Variants in PLGRKT observed in about 807,000 individuals in gnomAD.
PLGRKT encodes plasminogen receptor (KT).
Under a neutral mutation model 18.5 loss-of-function variants are expected in PLGRKT, and 22 were observed. That is an observed-to-expected ratio of 1.19 (90% CI 0.85 to 1.70). The LOEUF (loss-of-function observed/expected upper bound fraction) is 1.70. PLGRKT is among the 40% of genes most tolerant of loss of function. PLGRKT has a pLI of 0.00. For missense variants in PLGRKT, 235 were observed against 174.4 expected, an observed-to-expected ratio of 1.35 and a Z score of -1.96; for synonymous variants, 72 against 52.8, an observed-to-expected ratio of 1.36 and a Z score of -1.58.
At chr9:5,383,092 A>G (rs901639608) in intron 3 of PLGRKT, among the ~76,000 whole-genome samples, 3 of 152,220 alleles carry the variant, frequency 2.0e-5, no homozygotes, top group Non-Finnish European at 4.4e-5. Context: ...TCCTTATAAA[A>G]GACACACAGA....
chr9:5,425,624 T>A (rs1381005979), intron 3 of PLGRKT, among the ~76,000 whole-genome samples: 1 of 152,170 alleles, frequency 6.6e-6, no homozygotes, highest in Non-Finnish European at 1.5e-5. Flanking sequence ...CCCAGGCCAT[T>A]ACATTGCATT....
rs544878511 is a variant in PLGRKT, at chr9:5,418,770, G to A, written c.81+13127C>T. On this transcript the variant is annotated intron_variant, in intron 3 of 5. Transcript: ENST00000223864. The surrounding 1 kb of genome is among the most constrained non-coding windows in gnomAD (Gnocchi z 4.2). Reference sequence around the variant, plus strand: ...TGACAGCCAGGACCTCGGGGTCGTCGAGGAGCTGCGACACGGAGAAGTCAG... The same window carrying A: ...TGACAGCCAGGACCTCGGGGTCGTCAAGGAGCTGCGACACGGAGAAGTCAG... The A allele has an allele frequency of 8.8e-5, 65 of 740,070 alleles. No individual in the cohort carries two copies. The East Asian group carries it at 1.4e-3, about 16-fold the overall frequency. The allele number at this position is 740,070 out of a possible 1,614,324, so 45.8% of individuals were successfully genotyped here.
At chr9:5,426,067 A>G (rs1182063356) in intron 3 of PLGRKT, among the ~76,000 whole-genome samples, 1 of 152,186 alleles carries the variant, frequency 6.6e-6, no homozygotes, top group Non-Finnish European at 1.5e-5. Context: ...AAGACCCTAA[A>G]AAGACAACAT....
intron 3 of PLGRKT, among the ~76,000 whole-genome samples, chr9:5,371,952 C>T (rs1366514692): frequency 7.0e-6 from 1 of 143,408 alleles, no homozygotes; most frequent in Non-Finnish European, 1.5e-5. Context: ...ATCTTGGAAC[C>T]AAGACGTGCT....
rs1262601486 is a variant in PLGRKT at position 5,358,364 on chromosome 9, A to T, written c.323-4T>A. 1 of 1,612,518 alleles carries T rather than the reference A, an allele frequency of 6.2e-7. No individual in the cohort carries two copies. Among genetic ancestry groups the T allele is most frequent in the Non-Finnish European group, 8.5e-7 (1 of 1,179,078 alleles). ...TCCAGTATGTCCTCAGCTTCACCTT[A>T]AATAAAGTACAGAAATACACAAGGT... On this transcript the variant is annotated splice_region_variant and splice_polypyrimidine_tract_variant and intron_variant, in intron 5 of 5. Transcript: ENST00000223864.
intron 3 of PLGRKT, among the ~76,000 whole-genome samples, chr9:5,365,008 C>T (rs1309418303): frequency 6.6e-6 from 1 of 152,112 alleles, no homozygotes; most frequent in African/African-American, 2.4e-5. Flanking sequence ...AGTGTAAGTA[C>T]ATACATTTTC....
chr9:5,361,406 C>G (rs904988226), intron 4 of PLGRKT, among the ~76,000 whole-genome samples: 5 of 152,174 alleles, frequency 3.3e-5, no homozygotes, highest in Admixed American at 6.5e-5. Context: ...ACTTGCTCAT[C>G]TTTATTTGAC....
At chr9:5,386,736 C>T (rs1442953292) in intron 3 of PLGRKT, among the ~76,000 whole-genome samples, 3 of 151,854 alleles carry the variant, frequency 2.0e-5, no homozygotes, top group Admixed American at 6.5e-5. Context: ...ATCACTGCTA[C>T]CTGCTGTTAG....
intron 3 of PLGRKT, among the ~76,000 whole-genome samples, chr9:5,376,032 A>C (rs1177446298): frequency 6.6e-6 from 1 of 152,226 alleles, no homozygotes; most frequent in African/African-American, 2.4e-5. Context: ...AAAGGAAGGA[A>C]ATTCTGACAC....
chr9:5,395,292 G>A (rs1205676387), intron 3 of PLGRKT, among the ~76,000 whole-genome samples: 1 of 151,852 alleles, frequency 6.6e-6, no homozygotes. Context: ...GATATATGCT[G>A]TAGATATATG....
chr9:5,431,981 G>C lies in PLGRKT; in HGVS notation c.-4C>G, dbSNP rs1335160714. 5 of 1,387,590 alleles carry C rather than the reference G, an allele frequency of 3.6e-6. No homozygotes were observed. The highest frequency in any genetic ancestry group is 2.3e-5 in the East Asian group (1 of 43,792). 86.0% of individuals were successfully genotyped at this position (1,387,590 alleles called of 1,614,324 possible). ...ATTTTGAAAATATAAACCCCATTTTGACCTAAAATGTAAAAAAAGCAAGGA... is the reference window on the plus strand; with the variant it reads ...ATTTTGAAAATATAAACCCCATTTTCACCTAAAATGTAAAAAAAGCAAGGA... On this transcript the variant is annotated splice_region_variant and 5_prime_UTR_variant, in exon 3 of 6. Coordinates refer to ENST00000223864, the MANE Select transcript of PLGRKT (RefSeq NM_018465.4).
At chr9:5,412,995 T>A (rs1818393586) in intron 3 of PLGRKT, among the ~76,000 whole-genome samples, 1 of 152,018 alleles carries the variant, frequency 6.6e-6, no homozygotes, top group Non-Finnish European at 1.5e-5. Context: ...ATGTTCAAAC[T>A]CACTCATAAT....
At chr9:5,363,914 A>G (rs1817324304) in intron 3 of PLGRKT, among the ~76,000 whole-genome samples, 1 of 152,234 alleles carries the variant, frequency 6.6e-6, no homozygotes. Flanking sequence ...GTTTAAAAAT[A>G]GATGTGTTTT....
chr9:5,406,990 C>T (rs531396067), intron 3 of PLGRKT, among the ~76,000 whole-genome samples: 2 of 152,266 alleles, frequency 1.3e-5, no homozygotes, highest in South Asian at 4.1e-4. Flanking sequence ...AATGTAATTG[C>T]AGAGTGTTTC....
intron 5 of PLGRKT, among the ~76,000 whole-genome samples, chr9:5,360,270 A>G (rs1817233487): frequency 6.6e-6 from 1 of 152,222 alleles, no homozygotes; most frequent in African/African-American, 2.4e-5. Flanking sequence ...CTTAATCTGC[A>G]TTATTAGCAT....
chr9:5,432,673 TTTTTG>T (rs1818853635), intron 2 of PLGRKT, among the ~76,000 whole-genome samples: 1 of 152,126 alleles, frequency 6.6e-6, no homozygotes, highest in African/African-American at 2.4e-5. Context: ...GGTTTTTGTA[TTTTTG>T]GTGGAGACGG....
chr9:5,424,286 T>A (rs1343378397), intron 3 of PLGRKT, among the ~76,000 whole-genome samples: 1 of 137,012 alleles, frequency 7.3e-6, no homozygotes, highest in Non-Finnish European at 1.5e-5. Context: ...ATATAATATA[T>A]ATTAGATATT....
At chr9:5,398,641 G>T (rs989410408) in intron 3 of PLGRKT, among the ~76,000 whole-genome samples, 1 of 151,480 alleles carries the variant, frequency 6.6e-6, no homozygotes, top group Admixed American at 6.6e-5. Context: ...CCCACAATAT[G>T]GGGGTATAAA....
At chr9:5,370,196 C>T (rs1352555716) in intron 3 of PLGRKT, among the ~76,000 whole-genome samples, 1 of 152,122 alleles carries the variant, frequency 6.6e-6, no homozygotes, top group East Asian at 1.9e-4. Flanking sequence ...CAGCTCTTTC[C>T]TGTGTATTTT....
Sources: gnomAD v4.1 joint callset for allele counts (sites outside exome capture counted in the v4.1 genomes callset) on GRCh38, gnomAD v4.1.1 for gene constraint, Gnocchi (gnomAD v3.1) non-coding constraint, MANE v1.5 for transcripts, NCBI Gene and HGNC (gene_info 2026-07-23, HGNC 2026-07-21) for gene names.